The following CACNG5 variants were observed in gnomAD, a reference collection of about 807,000 sequenced individuals.
CACNG5 encodes calcium voltage-gated channel auxiliary subunit gamma 5, also known as voltage-dependent calcium channel gamma-5 subunit.
Under a neutral mutation model 24.8 loss-of-function variants are expected in CACNG5, and 18 were observed. That is an observed-to-expected ratio of 0.73 (90% CI 0.50 to 1.08). CACNG5 has a LOEUF of 1.08. Ranked by LOEUF, CACNG5 falls within the 50% of genes least tolerant of loss-of-function variation. The pLI, the probability that CACNG5 is intolerant of heterozygous loss-of-function variation, is 0.00. For missense variants in CACNG5, 349 were observed against 367.9 expected (o/e 0.95, Z 0.42); for synonymous variants, 157 against 149.1 (o/e 1.05, Z -0.39).
chr17:66,865,637 T>C (rs1045593688), intron 1 of CACNG5, among the ~76,000 whole-genome samples: 1 of 151,364 alleles, frequency 6.6e-6, no homozygotes, highest in African/African-American at 2.4e-5. Context: ...AAATTTCTTT[T>C]TTTTTTTTTT....
chr17:66,877,251 C>A lies in CACNG5; in HGVS notation c.-82C>A. ...TCAGAGCCGTGGGTACTGCCACCTGCTCACCCACTCTCCCTAGCCCCAGAG... is the reference window on the plus strand; with the variant it reads ...TCAGAGCCGTGGGTACTGCCACCTGATCACCCACTCTCCCTAGCCCCAGAG... On this transcript the variant is annotated 5_prime_UTR_variant, in exon 2 of 6. Transcript: ENST00000533854. The A allele has an allele frequency of 8.2e-7, 1 of 1,213,686 alleles. No homozygotes were observed. The highest frequency in any genetic ancestry group is 1.2e-6 in the Non-Finnish European group (1 of 849,552). The allele number at this position is 1,213,686 out of a possible 1,614,324, so 75.2% of individuals were successfully genotyped here.
Position 66,877,014 on chromosome 17 carries a change from AATG to A in CACNG5, c.-103-215_-103-213del, listed in dbSNP as rs1977087771. Among the ~76,000 whole-genome samples the A allele has an allele frequency of 7.7e-5, 11 of 143,674 alleles. No individual in the cohort carries two copies. In the Admixed American group the frequency reaches 7.7e-4, roughly 10 times the overall value. 94.3% of individuals were successfully genotyped at this position (143,674 alleles called of 152,430 possible). ...GAATGAATGAATGAATGAATGAATGAATGGCAGTACCCAGCAAGGGGACTCCCA... is the reference window on the plus strand; with the variant it reads ...GAATGAATGAATGAATGAATGAATGAGCAGTACCCAGCAAGGGGACTCCCA... On this transcript the variant is annotated intron_variant, in intron 1 of 5. Coordinates refer to ENST00000533854, the MANE Select transcript of CACNG5 (RefSeq NM_145811.3).
rs1977369069 is a variant in CACNG5, at chr17:66,893,233, A to G, written c.*7993A>G. On this transcript the variant is annotated 3_prime_UTR_variant, in exon 6 of 6. Transcript: ENST00000533854. ...CCTAAATGTTCTGCATGGTAAATGT[A>G]CCCTCTTCTATAATCAGAGAAATAA... Among the ~76,000 whole-genome samples, 1 of 152,176 alleles carries G rather than the reference A, an allele frequency of 6.6e-6. No homozygotes were observed. Among genetic ancestry groups the G allele is most frequent in the African/African-American group, 2.4e-5 (1 of 41,452 alleles).
rs891475178 is a variant in CACNG5, at chr17:66,892,763, G to A, written c.*7523G>A. Among the ~76,000 whole-genome samples the A allele has an allele frequency of 5.9e-5, 9 of 152,330 alleles. No individual in the cohort carries two copies. The highest frequency in any genetic ancestry group is 6.5e-5 in the Admixed American group (1 of 15,294). On this transcript the variant is annotated 3_prime_UTR_variant, in exon 6 of 6. Coordinates refer to ENST00000533854, the MANE Select transcript of CACNG5 (RefSeq NM_145811.3). ...TTATTTTCATTAACAAAATGGTGAA[G>A]AGACTAAATTAAACCACATAAGGTG...
chr17:66,893,052 C>A lies in CACNG5; in HGVS notation c.*7812C>A, dbSNP rs182043359. On this transcript the variant is annotated 3_prime_UTR_variant, in exon 6 of 6. Transcript: ENST00000533854. ...TGGCACATAATAGGTATTTTGCAAG[C>A]ATTATCTCATGTAACCCTTTCCATC... Among the ~76,000 whole-genome samples the A allele has an allele frequency of 6.6e-6, 1 of 152,192 alleles. No individual in the cohort carries two copies. Among genetic ancestry groups the A allele is most frequent in the Admixed American group, 6.5e-5 (1 of 15,290 alleles).
At position 66,835,126 on chromosome 17, in the gene CACNG5, G is replaced by A. The variant is rs1271615333; in HGVS notation, c.-228G>A. 6.6e-6 allele frequency: 1 copy of A among 152,230 alleles called. No homozygotes were observed. Among genetic ancestry groups the A allele is most frequent in the African/African-American group, 2.4e-5 (1 of 41,450 alleles). The allele number at this position is 152,230 out of a possible 1,614,324, so 9.4% of individuals were successfully genotyped here. A position where few individuals can be genotyped will look rare whatever the true frequency, so the allele number is the denominator to read the frequency against. ...GGCGGCGGCCACGGTCATTGGCGCC[G>A]AGCGGTTCCGGCTGACTGGACGGGG... is the stretch of plus-strand genomic sequence containing the variant. On this transcript the variant is annotated 5_prime_UTR_variant, in exon 1 of 6. Coordinates refer to ENST00000533854, the MANE Select transcript of CACNG5 (RefSeq NM_145811.3).
In CACNG5 at chr17:66,844,059, C is replaced by G. The variant is rs1024180265; in HGVS notation, c.-104+8809C>G. Among the ~76,000 whole-genome samples, 3 of 152,112 alleles carry G rather than the reference C, an allele frequency of 2.0e-5. No homozygotes were observed. The East Asian group carries it at 5.8e-4, about 29-fold the overall frequency. ...GTGCTGTCCCTTCCAGAGCCAGATG[C>G]TTGCAAGAGCATGGGTCACCGGTGT... On this transcript the variant is annotated intron_variant, in intron 1 of 5. Transcript: ENST00000533854.
chr17:66,854,068 T>C (rs1002393943), intron 1 of CACNG5, among the ~76,000 whole-genome samples: 1 of 152,112 alleles, frequency 6.6e-6, no homozygotes, highest in African/African-American at 2.4e-5. Context: ...CCAACATATG[T>C]AAATCAATAA....
At chr17:66,841,188 A>G (rs946723639) in intron 1 of CACNG5, among the ~76,000 whole-genome samples, 3 of 152,182 alleles carry the variant, frequency 2.0e-5, no homozygotes, top group South Asian at 4.1e-4. Flanking sequence ...CTGTCCAGAA[A>G]GGCAGGACAA....
chr17:66,867,627 C>T (rs1741682196), intron 1 of CACNG5, among the ~76,000 whole-genome samples: 2 of 151,916 alleles, frequency 1.3e-5, no homozygotes, highest in Admixed American at 1.3e-4. Context: ...ATCTTTAATC[C>T]ATCTTGAGTT....
chr17:66,868,682 C>T (rs773614926), intron 1 of CACNG5, among the ~76,000 whole-genome samples: 6 of 152,138 alleles, frequency 3.9e-5, no homozygotes, highest in Non-Finnish European at 7.4e-5. Context: ...TGACACATCC[C>T]CTTCTGATGC....
chr17:66,866,190 A>C (rs188805819), intron 1 of CACNG5, among the ~76,000 whole-genome samples: 17,747 of 152,158 alleles, frequency 0.12, 1,105 homozygotes, highest in Admixed American at 0.15. Flanking sequence ...TATATTCTGC[A>C]GCTACTAAAA....
chr17:66,880,244 G>A (rs1341321719), intron 3 of CACNG5, among the ~76,000 whole-genome samples: 1 of 152,234 alleles, frequency 6.6e-6, no homozygotes, highest in Non-Finnish European at 1.5e-5. Flanking sequence ...ATATTTGCAG[G>A]TGGTATGGAC....
At chr17:66,844,095 G>GAGGT (rs1976604747) in intron 1 of CACNG5, among the ~76,000 whole-genome samples, 1 of 152,182 alleles carries the variant, frequency 6.6e-6, no homozygotes, top group African/African-American at 2.4e-5. Flanking sequence ...TCTCTGATAG[G>GAGGT]AGGTAGCAGG....
intron 1 of CACNG5, among the ~76,000 whole-genome samples, chr17:66,835,819 G>A (rs1273635363): frequency 6.6e-6 from 1 of 152,082 alleles, no homozygotes; most frequent in Non-Finnish European, 1.5e-5. Flanking sequence ...ACTCGCGGGG[G>A]TGATCAGGGT....
rs375463562 is a variant in CACNG5 at position 66,877,304 on chromosome 17, G to A, written c.-29G>A. On this transcript the variant is annotated 5_prime_UTR_variant, in exon 2 of 6. Coordinates refer to ENST00000533854, the MANE Select transcript of CACNG5 (RefSeq NM_145811.3). The stretch of plus-strand genomic sequence containing the variant: ...CAGTCCGTGCTGGTGGGAGCGTGGC[G>A]ACTAGTTGCACAGCAACGGTCCAGG... The A allele has an allele frequency of 1.3e-5, 21 of 1,600,268 alleles. No individual in the cohort carries two copies. The highest frequency in any genetic ancestry group is 6.7e-5 in the South Asian group (6 of 90,150).
chr17:66,861,497 G>A (rs1330374473), intron 1 of CACNG5, among the ~76,000 whole-genome samples: 2 of 152,182 alleles, frequency 1.3e-5, no homozygotes, highest in East Asian at 1.9e-4. Flanking sequence ...TGTCTGGCAC[G>A]TGGTCCTGGT....
intron 1 of CACNG5, among the ~76,000 whole-genome samples, chr17:66,847,786 C>T (rs1156558976): frequency 1.3e-5 from 2 of 152,136 alleles, no homozygotes; most frequent in Non-Finnish European, 2.9e-5. Context: ...GGTGGGTGGC[C>T]CTCCCTTGCA....
intron 1 of CACNG5, among the ~76,000 whole-genome samples, chr17:66,863,369 T>C (rs1976890542): frequency 6.6e-6 from 1 of 152,020 alleles, no homozygotes; most frequent in African/African-American, 2.4e-5. Flanking sequence ...GTTGTTGCTG[T>C]TGTTGTTGTT....
Sources: allele counts gnomAD v4.1 joint callset (sites outside exome capture counted in the v4.1 genomes callset), GRCh38; gene constraint gnomAD v4.1.1; transcripts MANE v1.5; gene names NCBI Gene and HGNC (gene_info 2026-07-23, HGNC 2026-07-21).